TBC1D5: variants seen among roughly 807,000 people sequenced by gnomAD.
The protein encoded by TBC1D5 is TBC1 domain family member 5, also known as TBC1 domain family, member 5.
TBC1D5 carries 75 observed loss-of-function variants against 100.3 expected under a neutral mutation model. The ratio of observed to expected loss-of-function variants is 0.75; its 90% CI spans 0.62 to 0.91. TBC1D5 has a LOEUF of 0.91. TBC1D5 is among the 40% of genes least tolerant of loss of function. The probability of loss-of-function intolerance (pLI) is 0.00; values close to 1 mark genes in which losing one functional copy is unlikely to be tolerated. For missense variants in TBC1D5, 910 were observed against 942.4 expected (o/e 0.97, Z 0.45); for synonymous variants, 323 against 325.6 (o/e 0.99, Z 0.09).
At chr3:17,424,872 G>A (rs1288985541) in intron 4 of TBC1D5, among the ~76,000 whole-genome samples, 1 of 152,058 alleles carries the variant, frequency 6.6e-6, no homozygotes, top group Non-Finnish European at 1.5e-5. Context: ...ATTTGTCAAA[G>A]TTCCAGCCAT....
chr3:17,728,318 G>C (rs759875596), intron 1 of TBC1D5, among the ~76,000 whole-genome samples: 1 of 152,146 alleles, frequency 6.6e-6, no homozygotes, highest in Non-Finnish European at 1.5e-5. Flanking sequence ...GTAAATATTA[G>C]AAAGGAAGAT....
intron 2 of TBC1D5, among the ~76,000 whole-genome samples, chr3:17,589,402 T>C (rs2096752306): frequency 6.6e-6 from 1 of 152,222 alleles, no homozygotes; most frequent in Non-Finnish European, 1.5e-5. Flanking sequence ...CCATGTGCTG[T>C]GGGAGGGACC....
At chr3:17,448,372 A>C (rs1431175212) in intron 3 of TBC1D5, among the ~76,000 whole-genome samples, 1 of 152,186 alleles carries the variant, frequency 6.6e-6, no homozygotes, top group Non-Finnish European at 1.5e-5. Flanking sequence ...ACCTCCTCCC[A>C]TGAATCATGA....
At chr3:17,433,163 C>A (rs956317741) in intron 3 of TBC1D5, among the ~76,000 whole-genome samples, 1 of 152,084 alleles carries the variant, frequency 6.6e-6, no homozygotes, top group African/African-American at 2.4e-5. Flanking sequence ...TATGTTCTAC[C>A]CTGTGTAAGG....
chr3:17,692,970 A>C (rs1468180373), intron 1 of TBC1D5, among the ~76,000 whole-genome samples: 2 of 152,246 alleles, frequency 1.3e-5, no homozygotes, highest in Non-Finnish European at 2.9e-5. Flanking sequence ...CCTCTACAAA[A>C]AATACAAACA....
intron 1 of TBC1D5, among the ~76,000 whole-genome samples, chr3:17,644,305 T>G (rs1410167389): frequency 6.6e-6 from 1 of 152,134 alleles, no homozygotes; most frequent in Non-Finnish European, 1.5e-5. Context: ...GGTCAAAGAA[T>G]GTCAACCAAT....
intron 3 of TBC1D5, among the ~76,000 whole-genome samples, chr3:17,494,760 A>T (rs989975681): frequency 1.3e-5 from 2 of 152,084 alleles, no homozygotes; most frequent in African/African-American, 4.8e-5. Flanking sequence ...CGCTGACTGG[A>T]GCTGCAGTGA....
chr3:17,691,251 C>A (rs1161936082), intron 1 of TBC1D5, among the ~76,000 whole-genome samples: 2 of 152,144 alleles, frequency 1.3e-5, no homozygotes, highest in African/African-American at 4.8e-5. Flanking sequence ...TATAGTCACA[C>A]CGACCCCCGA....
intron 13 of TBC1D5, among the ~76,000 whole-genome samples, chr3:17,345,010 C>A (rs1480579668): frequency 1.3e-5 from 2 of 152,142 alleles, no homozygotes; most frequent in African/African-American, 4.8e-5. Context: ...TAGGCATGGG[C>A]AAGGACTTCA....
chr3:17,491,914 C>T (rs559351762), intron 3 of TBC1D5, among the ~76,000 whole-genome samples: 1 of 152,284 alleles, frequency 6.6e-6, no homozygotes, highest in Admixed American at 6.5e-5. Flanking sequence ...GGCTGGAAAT[C>T]CACCTGGTCC....
chr3:17,185,014 G>C, intron 19 of TBC1D5, 95 bp downstream of exon 20: 3 of 1,035,742 alleles, frequency 2.9e-6, no homozygotes, highest in Non-Finnish European at 2.9e-6. Context: ...GGTAATTCAT[G>C]TAAACAGCTT....
intron 9 of TBC1D5, among the ~76,000 whole-genome samples, chr3:17,378,256 G>C (rs1575596728): frequency 6.6e-6 from 1 of 151,764 alleles, no homozygotes; most frequent in Non-Finnish European, 1.5e-5. Flanking sequence ...TGAAGTCCTT[G>C]GAAGTAGAAT....
In TBC1D5 at chr3:17,527,405, A is replaced by G. The variant is rs115371028; in HGVS notation, c.-35-18800T>C. 3.5e-3 allele frequency among the ~76,000 whole-genome samples: 528 copies of G among 152,306 alleles called. 3 individuals are homozygous for G. Among genetic ancestry groups the G allele is most frequent in the African/African-American group, 0.012 (513 of 41,554 alleles). On this transcript the variant is annotated intron_variant, in intron 2 of 21. Transcript: ENST00000253692. ...TGGGGGAAAAAGAAGGGGAAACAGA[A>G]GAGAGGCTGGGTCACTTCCATCCTT...
At position 17,211,236 on chromosome 3, in the gene TBC1D5, T is replaced by C. The variant is rs544305432; in HGVS notation, c.1752+2971A>G. Reference sequence around the variant, plus strand: ...CACTAAGAAGTAACTGGCTGTTTCCTTGGAGCACTCCTAGGGTGAGTATAT... The same window carrying C: ...CACTAAGAAGTAACTGGCTGTTTCCCTGGAGCACTCCTAGGGTGAGTATAT... On this transcript the variant is annotated intron_variant, in intron 18 of 21. Coordinates refer to ENST00000253692, the Ensembl canonical transcript of TBC1D5. 2.6e-5 allele frequency among the ~76,000 whole-genome samples: 4 copies of C among 152,340 alleles called. No homozygotes were observed. In the East Asian group the frequency reaches 7.7e-4, roughly 29 times the overall value.
intron 4 of TBC1D5, among the ~76,000 whole-genome samples, chr3:17,416,673 A>G (rs1212595973): frequency 6.6e-6 from 1 of 152,228 alleles, no homozygotes; most frequent in African/African-American, 2.4e-5. Flanking sequence ...AGATATGGAT[A>G]TAATCTTTTC....
chr3:17,332,719 T>C (rs1301598114), intron 13 of TBC1D5, among the ~76,000 whole-genome samples: 3 of 151,582 alleles, frequency 2.0e-5, no homozygotes, highest in Admixed American at 6.6e-5. Flanking sequence ...AAAGAATATA[T>C]CACAAAAGAG....
intron 3 of TBC1D5, among the ~76,000 whole-genome samples, chr3:17,488,978 TG>T (rs2095604866): frequency 6.6e-6 from 1 of 150,756 alleles, no homozygotes; most frequent in Admixed American, 6.7e-5. Context: ...TGATCTGATG[TG>T]GAACAGTTTC....
At position 17,176,448 on chromosome 3, in the gene TBC1D5, G is replaced by C. The variant is rs141952023; in HGVS notation, c.1853-8620C>G. Among the ~76,000 whole-genome samples, 210 of 152,330 alleles carry C rather than the reference G, an allele frequency of 1.4e-3. 3 individuals are homozygous for C. The South Asian group carries it at 0.029, about 21-fold the overall frequency. ...GGTCTTCTATAATAGAGTCTTGCCTGCATAGCAAAGCTGCCAAGTATGACT... is the reference window on the plus strand; with the variant it reads ...GGTCTTCTATAATAGAGTCTTGCCTCCATAGCAAAGCTGCCAAGTATGACT... On this transcript the variant is annotated intron_variant, in intron 19 of 21. Transcript: ENST00000253692.
At chr3:17,387,733 G>A (rs1455377118) in intron 8 of TBC1D5, among the ~76,000 whole-genome samples, 1 of 151,150 alleles carries the variant, frequency 6.6e-6, no homozygotes, top group Non-Finnish European at 1.5e-5. Flanking sequence ...AAATATCATT[G>A]GAAAGGCAAA....
Sources: allele counts gnomAD v4.1 joint callset (sites outside exome capture counted in the v4.1 genomes callset), GRCh38; gene constraint gnomAD v4.1.1; transcripts MANE v1.5; gene names NCBI Gene and HGNC (gene_info 2026-07-23, HGNC 2026-07-21).